The following DCXR variants were observed in gnomAD, a reference collection of about 807,000 sequenced individuals.
DCXR encodes the protein dicarbonyl and L-xylulose reductase, also known as L-xylulose reductase.
In DCXR, 24 loss-of-function variants were observed where a neutral mutation model predicts 25.9. The ratio of observed to expected loss-of-function variants is 0.93; its 90% CI spans 0.67 to 1.30. DCXR has a LOEUF of 1.30. Ranked by LOEUF, DCXR falls within the 50% of genes most tolerant of loss-of-function variation. The probability of loss-of-function intolerance (pLI) is 0.00; values close to 1 mark genes in which losing one functional copy is unlikely to be tolerated. For synonymous variants in DCXR, 161 were observed against 141.7 expected, an observed-to-expected ratio of 1.14 and a Z score of -0.97; for missense variants, 348 against 333.7, an observed-to-expected ratio of 1.04 and a Z score of -0.33.
Position 82,036,023 on chromosome 17 carries a change from A to G in DCXR, c.672T>C (p.Ser224=), listed in dbSNP as rs1160578223. 6.2e-7 allele frequency: 1 copy of G among 1,613,202 alleles called. No individual in the cohort carries two copies. The highest frequency in any genetic ancestry group is 8.5e-7 in the Non-Finnish European group (1 of 1,180,016). ...HVVNAILFLL[S]DRSGMTTGST... The stretch of plus-strand genomic sequence containing the variant: ...AACCCGTGGTCATGCCACTTCGGTC[A>G]CTCAGCAGAAAGAGGATGGCGTTCA... Residue 224 remains serine (S), a synonymous_variant, in exon 8 of 8, where the codon AGT becomes AGC. Transcript: ENST00000306869.
rs201517163 is a variant in DCXR, at chr17:82,036,901, A to T, written c.263T>A (p.Leu88Gln). The T allele has an allele frequency of 6.0e-5, 96 of 1,613,088 alleles. No homozygotes were observed. The East Asian group carries it at 2.1e-3, about 36-fold the overall frequency. Residue 88 changes from leucine to glutamine, a missense_variant, in exon 3 of 8, where the codon CTG (leucine) becomes CAG (glutamine). By Grantham distance (113) the Leu-to-Gln change is moderately radical (BLOSUM62 -2). Coordinates refer to ENST00000306869, the MANE Select transcript of DCXR (RefSeq NM_016286.4). ...GGTGACCTCCAGGAAGGGCTGCAGC[A>T]GGGCGACAGCGGCGTTGTTCACCAG... ...DLLVNNAAVA[L>Q]LQPFLEVTKE...
Position 82,036,561 on chromosome 17 carries a change from G to C in DCXR, c.431C>G (p.Thr144Ser), listed in dbSNP as rs370503205. Residue 144 changes from threonine (T) to serine (S), a missense_variant, in exon 5 of 8, where the codon ACT (threonine) becomes AGT (serine). Physicochemically the swap from Thr to Ser is moderately conservative, Grantham distance 58. Coordinates refer to ENST00000306869, the MANE Select transcript of DCXR (RefSeq NM_016286.4). Reference sequence around the variant, plus strand: ...GCACTCACAGTAGACGCTATGGTTAGTTACTGCCCGCTGGGAGCACTGGCT... The same window carrying C: ...GCACTCACAGTAGACGCTATGGTTACTTACTGCCCGCTGGGAGCACTGGCT... ...VSSQCSQRAV[T>S]NHSVYCSTKG... 1.2e-6 allele frequency: 2 copies of C among 1,613,160 alleles called. No homozygotes were observed. Among genetic ancestry groups the C allele is most frequent in the Non-Finnish European group, 1.7e-6 (2 of 1,179,998 alleles).
At chr17:82,036,681 C>T (rs1044015276) in intron 4 of DCXR, 38 bp from the exon 5 acceptor site, 2 of 1,613,430 alleles carry the variant, frequency 1.2e-6, no homozygotes, top group Admixed American at 1.7e-5. Context: ...GAGCTGGCAT[C>T]ACTCACGAGA....
chr17:82,037,302 C>CGA, intron 2 of DCXR, 148 bp downstream of exon 2: 1 of 1,022,768 alleles, frequency 9.8e-7, no homozygotes, highest in Non-Finnish European at 1.4e-6. Flanking sequence ...CCACCAGCCC[C>CGA]GAGAGAGGGT....
chr17:82,036,954 C>A lies in DCXR; in HGVS notation c.210G>T (p.Ala70=). The change falls in exon 3 of 8, where the codon GCG becomes GCT. Residue 70 remains alanine, a synonymous_variant. Transcript: ENST00000306869. ...GGTCCACGGGGCCCACGCTGCCCAG[C>A]GCCCGCTCGGTGGCCTCCCAGTCAC... is the stretch of plus-strand genomic sequence containing the variant. The part of the protein sequence containing the change: ...DLGDWEATER[A]LGSVGPVDLL... The A allele has an allele frequency of 6.2e-7, 1 of 1,601,400 alleles. No homozygotes were observed. The highest frequency in any genetic ancestry group is 8.5e-7 in the Non-Finnish European group (1 of 1,174,696).
chr17:82,037,615 T>C lies in DCXR; in HGVS notation c.52+16A>G, dbSNP rs2043509110. The stretch of plus-strand genomic sequence containing the variant: ...TGCCCGCCGCCGGCCTTTGCCCACC[T>C]TTCCCCGCCGCCCACCTTTGCCTGC... On this transcript the variant is annotated intron_variant, in intron 1 of 7. Transcript: ENST00000306869. 1.3e-6 allele frequency: 2 copies of C among 1,519,194 alleles called. No homozygotes were observed. Among genetic ancestry groups the C allele is most frequent in the Middle Eastern group, 1.7e-4 (1 of 5,852 alleles). The allele number at this position is 1,519,194 out of a possible 1,614,324, so 94.1% of individuals were successfully genotyped here.
intron 4 of DCXR, 36 bp from the exon 5 acceptor site, chr17:82,036,679 A>T (rs776981111): frequency 6.2e-7 from 1 of 1,613,362 alleles, no homozygotes; most frequent in Non-Finnish European, 8.5e-7. Context: ...CAGAGCTGGC[A>T]TCACTCACGA....
chr17:82,036,938 G>A lies in DCXR; in HGVS notation c.226C>T (p.Pro76Ser), dbSNP rs1237981873. 6.2e-7 allele frequency: 1 copy of A among 1,610,114 alleles called. No individual in the cohort carries two copies. Among genetic ancestry groups the A allele is most frequent in the Non-Finnish European group, 8.5e-7 (1 of 1,178,808 alleles). Reference protein sequence around the residue: ...ATERALGSVGPVDLLVNNAAV... With the variant: ...ATERALGSVGSVDLLVNNAAV... ...GCGTTGTTCACCAGCAGGTCCACGG[G>A]GCCCACGCTGCCCAGCGCCCGCTCG... Residue 76 changes from proline to serine, a missense_variant, in exon 3 of 8, where the codon CCC (proline) becomes TCC (serine). Pro to Ser is a moderately conservative substitution (Grantham distance 74). Transcript: ENST00000306869.
chr17:82,037,575 TCCCCTGCCCG>T (rs2043508364), intron 1 of DCXR, 28 bp from the exon 2 acceptor site: 1 of 1,544,760 alleles, frequency 6.5e-7, no homozygotes, highest in Non-Finnish European at 8.7e-7. Flanking sequence ...AGTGAAGGCG[TCCCCTGCCCG>T]CCTCTGCCCG....
At chr17:82,037,116 G>A (rs2043501717) in intron 2 of DCXR, 103 bp from the exon 3 acceptor site, 2 of 1,456,874 alleles carry the variant, frequency 1.4e-6, no homozygotes, top group Non-Finnish European at 1.9e-6. Flanking sequence ...AAAGGAGTTA[G>A]GAGTTCCGAA....
Position 82,035,923 on chromosome 17 carries a change from T to C in DCXR, c.*37A>G, listed in dbSNP as rs1289353893. On this transcript the variant is annotated 3_prime_UTR_variant, in exon 8 of 8. Coordinates refer to ENST00000306869, the MANE Select transcript of DCXR (RefSeq NM_016286.4). ...TTTATTGGAGGGATTGGGGGTAGGA[T>C]GAGCACGGCATGGGGCTTGAGGTGT... 1 of 1,555,728 alleles carries C rather than the reference T, an allele frequency of 6.4e-7. No homozygotes were observed. Among genetic ancestry groups the C allele is most frequent in the Non-Finnish European group, 8.8e-7 (1 of 1,129,990 alleles).
At position 82,036,996 on chromosome 17, in the gene DCXR, G is replaced by A. The variant is rs1389173076; in HGVS notation, c.168C>T (p.Pro56=). Residue 56 remains proline (P), a synonymous_variant, in exon 3 of 8, where the codon CCC becomes CCT. Transcript: ENST00000306869. ...SLVRECPGIE[P]VCVDLGDWEA... ...CCCAGTCACCCAGGTCCACGCACAC[G>A]GGTTCTATCCCCGGGCACTGTGTGT... is the stretch of plus-strand genomic sequence containing the variant. The A allele has an allele frequency of 4.5e-6, 7 of 1,570,092 alleles. No individual in the cohort carries two copies. The highest frequency in any genetic ancestry group is 6.0e-6 in the Non-Finnish European group (7 of 1,158,534).
chr17:82,037,203 T>C (rs2043502559), intron 2 of DCXR, 190 bp from the exon 3 acceptor site: 3 of 858,024 alleles, frequency 3.5e-6, no homozygotes. Flanking sequence ...GAGCGACTCC[T>C]GCCCGGGGCC....
chr17:82,036,563 T>G lies in DCXR; in HGVS notation c.429A>C (p.Val143=). The G allele has an allele frequency of 6.2e-7, 1 of 1,613,102 alleles. No homozygotes were observed. Among genetic ancestry groups the G allele is most frequent in the Middle Eastern group, 1.6e-4 (1 of 6,062 alleles). The change falls in exon 5 of 8, where the codon GTA becomes GTC. Residue 143 remains valine (V), a synonymous_variant. Coordinates refer to ENST00000306869, the MANE Select transcript of DCXR (RefSeq NM_016286.4). ...ACTCACAGTAGACGCTATGGTTAGT[T>G]ACTGCCCGCTGGGAGCACTGGCTGG... ...NVSSQCSQRA[V]TNHSVYCSTK...
In DCXR at chr17:82,036,856, C is replaced by T; in HGVS notation, c.305+3G>A. On this transcript the variant is annotated splice_donor_region_variant and intron_variant, in intron 3 of 7. Coordinates refer to ENST00000306869, the MANE Select transcript of DCXR (RefSeq NM_016286.4). Reference sequence around the variant, plus strand: ...TGAGGTTCCTCCGCCCTCACAGGCTCACCTGTCAAAGGCCTCCTTGGTGAC... The same window carrying T: ...TGAGGTTCCTCCGCCCTCACAGGCTTACCTGTCAAAGGCCTCCTTGGTGAC... 1 of 1,613,416 alleles carries T rather than the reference C, an allele frequency of 6.2e-7. No individual in the cohort carries two copies. The highest frequency in any genetic ancestry group is 8.5e-7 in the Non-Finnish European group (1 of 1,179,994).
In DCXR at chr17:82,036,614, T is replaced by C; in HGVS notation, c.378A>G (p.Gly126=). The C allele has an allele frequency of 6.2e-7, 1 of 1,613,068 alleles. No homozygotes were observed. Among genetic ancestry groups the C allele is most frequent in the Non-Finnish European group, 8.5e-7 (1 of 1,179,978 alleles). Residue 126 remains glycine (G), a synonymous_variant, in exon 5 of 8, where the codon GGA becomes GGG. Transcript: ENST00000306869. ...QIVARGLIAR[G]VPGAIVNVSS... Reference sequence around the variant, plus strand: ...AGACATTCACGATGGCCCCTGGGACTCCCCGGGCTATTAAGCCCCTGGCCA... The same window carrying C: ...AGACATTCACGATGGCCCCTGGGACCCCCCGGGCTATTAAGCCCCTGGCCA...
chr17:82,035,936 G>A lies in DCXR; in HGVS notation c.*24C>T. The A allele has an allele frequency of 6.3e-7, 1 of 1,594,324 alleles. No homozygotes were observed. The highest frequency in any genetic ancestry group is 8.6e-7 in the Non-Finnish European group (1 of 1,164,150). On this transcript the variant is annotated 3_prime_UTR_variant, in exon 8 of 8. Transcript: ENST00000306869. ...TTGGGGGTAGGATGAGCACGGCATGGGGCTTGAGGTGTGTGGAGGGAGCTC... is the reference window on the plus strand; with the variant it reads ...TTGGGGGTAGGATGAGCACGGCATGAGGCTTGAGGTGTGTGGAGGGAGCTC...
Position 82,037,155 on chromosome 17 carries a change from G to A in DCXR, c.151-142C>T, listed in dbSNP as rs1483328053. 9.7e-6 allele frequency: 11 copies of A among 1,131,358 alleles called. No individual in the cohort carries two copies. In the South Asian group the frequency reaches 1.2e-4, roughly 12 times the overall value. The allele number at this position is 1,131,358 out of a possible 1,614,324, so 70.1% of individuals were successfully genotyped here. ...GTCGGGACTGTGGGGCCAGCAGCCG[G>A]GCGCTACCTCCGGCCGGTTCACTTC... On this transcript the variant is annotated intron_variant, in intron 2 of 7. Transcript: ENST00000306869.
rs2144170709 is a variant in DCXR at position 82,037,332 on chromosome 17, G to A, written c.150+118C>T. Reference sequence around the variant, plus strand: ...GAGGGTGCGCGGGCGCCCAGGCCGCGGTGAGAAGCGCAGCGCCCGCGAGGG... The same window carrying A: ...GAGGGTGCGCGGGCGCCCAGGCCGCAGTGAGAAGCGCAGCGCCCGCGAGGG... On this transcript the variant is annotated intron_variant, in intron 2 of 7. Coordinates refer to ENST00000306869, the MANE Select transcript of DCXR (RefSeq NM_016286.4). 3.4e-6 allele frequency: 4 copies of A among 1,180,058 alleles called. No homozygotes were observed. In the South Asian group the frequency reaches 4.9e-5, roughly 15 times the overall value. 73.1% of individuals were successfully genotyped at this position (1,180,058 alleles called of 1,614,324 possible).
Sources: gnomAD v4.1 joint callset for allele counts on GRCh38, gnomAD v4.1.1 for gene constraint, MANE v1.5 for transcripts, NCBI Gene and HGNC (gene_info 2026-07-23, HGNC 2026-07-21) for gene names.